SIRPB2: variants seen among roughly 807,000 people sequenced by gnomAD.
The protein encoded by SIRPB2 is signal regulatory protein beta 2, also known as signal-regulatory protein beta-2.
In SIRPB2, 18 loss-of-function variants were observed where a neutral mutation model predicts 27.1. The ratio of observed to expected loss-of-function variants is 0.66; its 90% confidence interval spans 0.46 to 0.98. SIRPB2 has a LOEUF of 0.98. Ranked by LOEUF, SIRPB2 falls within the 50% of genes least tolerant of loss-of-function variation. The pLI, the probability that SIRPB2 is intolerant of heterozygous loss-of-function variation, is 0.00. For synonymous variants in SIRPB2, 150 were observed against 164.6 expected (o/e 0.91, Z 0.68); for missense variants, 420 against 417.4 (o/e 1.01, Z -0.06).
At chr20:1,484,386 C>A (rs373262749) in intron 1 of SIRPB2, among the ~76,000 whole-genome samples, 13 of 152,060 alleles carry the variant, frequency 8.5e-5, no homozygotes, top group African/African-American at 3.1e-4. Flanking sequence ...ATAACAAAAG[C>A]AACTATCAAC....
At chr20:1,473,338 GCAGATACACAAACA>G (rs1447698399), downstream of SIRPB2, 1 of 152,582 alleles carries the variant, frequency 6.6e-6, no homozygotes, top group Non-Finnish European at 1.5e-5. Flanking sequence ...CATCAAGGAA[GCAGATACACAAACA>G]CACACGCACA....
chr20:1,474,821 AC>A lies in SIRPB2; in HGVS notation c.*1345del, dbSNP rs1402704096. 1 of 152,240 alleles carries A rather than the reference AC, an allele frequency of 6.6e-6. No homozygotes were observed. The highest frequency in any genetic ancestry group is 1.5e-5 in the Non-Finnish European group (1 of 68,096). The allele number at this position is 152,240 out of a possible 1,614,324, so 9.4% of individuals were successfully genotyped here. On this transcript the variant is annotated 3_prime_UTR_variant, in exon 5 of 5. Coordinates refer to ENST00000359801, the MANE Select transcript of SIRPB2 (RefSeq NM_001122962.2). ...ACTCCTGAACTCAGGTGATCCACCC[AC>A]CTCGGCCTCCCAAAGTGCTGGGATT...
chr20:1,474,489 A>T (rs1167347481), downstream of SIRPB2: 4 of 152,384 alleles, frequency 2.6e-5, no homozygotes, highest in Admixed American at 6.5e-5. Flanking sequence ...GTTTGCCTGG[A>T]AAGAGAACAG....
At chr20:1,489,739 C>T (rs139072808) in intron 1 of SIRPB2, among the ~76,000 whole-genome samples, 5 of 152,216 alleles carry the variant, frequency 3.3e-5, no homozygotes, top group Middle Eastern at 3.4e-3. Flanking sequence ...GTGTTAGCCC[C>T]AGTCTCCTCT....
At chr20:1,477,076 C>G in intron 4 of SIRPB2, 2 of 1,439,022 alleles carry the variant, frequency 1.4e-6, no homozygotes, top group Non-Finnish European at 1.8e-6. Flanking sequence ...CACTCAGAAT[C>G]ACAGGGAGCT....
chr20:1,481,890 C>T (rs947977871), intron 1 of SIRPB2, among the ~76,000 whole-genome samples: 14 of 152,178 alleles, frequency 9.2e-5, no homozygotes, highest in African/African-American at 2.2e-4. Context: ...CTCACACACA[C>T]GTACAGGACT....
At chr20:1,486,056 TTTTTC>T (rs201361624) in intron 1 of SIRPB2, among the ~76,000 whole-genome samples, 33 of 145,000 alleles carry the variant, frequency 2.3e-4, no homozygotes, top group African/African-American at 7.3e-4. Flanking sequence ...TTTCCATATC[TTTTTC>T]TTTTCTTTTC....
chr20:1,482,863 G>A (rs1044899407), intron 1 of SIRPB2, among the ~76,000 whole-genome samples: 3 of 151,890 alleles, frequency 2.0e-5, no homozygotes, highest in South Asian at 2.1e-4. Flanking sequence ...ATTGATTGAC[G>A]CTTAGATTGA....
In SIRPB2 at chr20:1,479,780, G is replaced by A; in HGVS notation, c.371C>T (p.Thr124Ile). ...ACCATCAAACCTCACACAGTGGTAG[G>A]TTCCAGTGTGCTCCCTGGTGACATT... is the stretch of plus-strand genomic sequence containing the variant. ...IHNVTREHTG[T>I]YHCVRFDGLS... Residue 124 changes from threonine (T) to isoleucine (I), a missense_variant, in exon 2 of 5, where the codon ACC becomes ATC. Transcript: ENST00000359801. 6.2e-7 allele frequency: 1 copy of A among 1,614,176 alleles called. No individual in the cohort carries two copies. Among genetic ancestry groups the A allele is most frequent in the Non-Finnish European group, 8.5e-7 (1 of 1,180,022 alleles).
chr20:1,485,112 G>A (rs190138676), intron 1 of SIRPB2, among the ~76,000 whole-genome samples: 1 of 152,204 alleles, frequency 6.6e-6, no homozygotes, highest in African/African-American at 2.4e-5. Context: ...GGGCATGAGA[G>A]AGATTTGTTA....
chr20:1,475,935 AC>A lies in SIRPB2; in HGVS notation c.*231del. 2 of 484,424 alleles carry A rather than the reference AC, an allele frequency of 4.1e-6. No homozygotes were observed. Among genetic ancestry groups the A allele is most frequent in the East Asian group, 7.9e-5 (2 of 25,256 alleles). The allele number at this position is 484,424 out of a possible 1,614,324, so 30.0% of individuals were successfully genotyped here. A position where few individuals can be genotyped will look rare whatever the true frequency, so the allele number is the denominator to read the frequency against. Reference sequence around the variant, plus strand: ...GTGTTGAGGAGAGACTGAGCCAGGGACTGAAAAGCAAGGAGGTCTTGAACAG... The same window carrying A: ...GTGTTGAGGAGAGACTGAGCCAGGGATGAAAAGCAAGGAGGTCTTGAACAG... On this transcript the variant is annotated 3_prime_UTR_variant, in exon 5 of 5. Coordinates refer to ENST00000359801, the MANE Select transcript of SIRPB2 (RefSeq NM_001122962.2).
In SIRPB2 at chr20:1,476,175, G is replaced by T; in HGVS notation, c.1021C>A (p.Gln341Lys). ...AMNTLAWSKG[Q>K]E ...ACTCTGGGGCTGACCCCTCACTCTTGACCCTTGCTCCATGCTAAGGTGTTC... is the reference window on the plus strand; with the variant it reads ...ACTCTGGGGCTGACCCCTCACTCTTTACCCTTGCTCCATGCTAAGGTGTTC... Residue 341 changes from glutamine to lysine, a missense_variant, in exon 5 of 5, where the codon CAA (glutamine) becomes AAA (lysine). By Grantham distance (53) the Gln-to-Lys change is moderately conservative. Coordinates refer to ENST00000359801, the MANE Select transcript of SIRPB2 (RefSeq NM_001122962.2). 3 of 1,613,688 alleles carry T rather than the reference G, an allele frequency of 1.9e-6. No homozygotes were observed. Among genetic ancestry groups the T allele is most frequent in the Non-Finnish European group, 2.5e-6 (3 of 1,179,880 alleles).
intron 2 of SIRPB2, among the ~76,000 whole-genome samples, chr20:1,478,845 T>G (rs557790217): frequency 6.6e-6 from 1 of 152,368 alleles, no homozygotes; most frequent in Admixed American, 6.5e-5. Flanking sequence ...TGCCCGGCCC[T>G]GAAGCCATTC....
rs765637642 is a variant in SIRPB2, at chr20:1,479,976, T to C, written c.175A>G (p.Arg59Gly). 6.2e-7 allele frequency: 1 copy of C among 1,614,160 alleles called. No homozygotes were observed. The highest frequency in any genetic ancestry group is 2.2e-5 in the East Asian group (1 of 44,886). Reference protein sequence around the residue: ...LVAEGETLLLRCMVVGSCTDG... With the variant: ...LVAEGETLLLGCMVVGSCTDG... The stretch of plus-strand genomic sequence containing the variant: ...GTGCAGGAGCCGACCACCATACACC[T>C]CAGTAGAAGTGTCTCACCTTCTGCC... The change falls in exon 2 of 5, where the codon AGG becomes GGG. Residue 59 changes from arginine (R) to glycine (G), a missense_variant. By Grantham distance (125) the Arg-to-Gly change is moderately radical. Coordinates refer to ENST00000359801, the MANE Select transcript of SIRPB2 (RefSeq NM_001122962.2).
intron 1 of SIRPB2, among the ~76,000 whole-genome samples, chr20:1,486,767 T>C (rs1230664298): frequency 1.3e-5 from 2 of 152,174 alleles, no homozygotes; most frequent in African/African-American, 4.8e-5. Context: ...AAAGCAGTTT[T>C]CAAACTTGAA....
chr20:1,488,156 T>C (rs935052987), intron 1 of SIRPB2, among the ~76,000 whole-genome samples: 27 of 152,058 alleles, frequency 1.8e-4, no homozygotes, highest in African/African-American at 5.6e-4. Flanking sequence ...AAAAGACAAG[T>C]CACAGAGTAG....
At chr20:1,481,293 G>A (rs2090668485) in intron 1 of SIRPB2, among the ~76,000 whole-genome samples, 1 of 152,070 alleles carries the variant, frequency 6.6e-6, no homozygotes, top group South Asian at 2.1e-4. Context: ...TGGGATTACA[G>A]GTGTGAGCCA....
Position 1,476,239 on chromosome 20 carries a change from C to A in SIRPB2, c.957G>T (p.Gly319=). 2 of 1,613,978 alleles carry A rather than the reference C, an allele frequency of 1.2e-6. No homozygotes were observed. The highest frequency in any genetic ancestry group is 1.6e-4 in the Middle Eastern group (1 of 6,062). Residue 319 remains glycine, a synonymous_variant, in exon 5 of 5, where the codon GGG becomes GGT. Transcript: ENST00000359801. ...GGCCTGTGGTCTTGACATCTTCTTGCCCAGGGCTCCTCCGAGAGGTAGCCA... is the reference window on the plus strand; with the variant it reads ...GGCCTGTGGTCTTGACATCTTCTTGACCAGGGCTCCTCCGAGAGGTAGCCA... The part of the protein sequence containing the change: ...LALATSRRSP[G]QEDVKTTGPA...
At chr20:1,480,867 C>A (rs1183224017) in intron 1 of SIRPB2, among the ~76,000 whole-genome samples, 1 of 152,236 alleles carries the variant, frequency 6.6e-6, no homozygotes, top group African/African-American at 2.4e-5. Flanking sequence ...GGAGCTCTGG[C>A]TATTAATCTT....
Sources: gnomAD v4.1 joint callset for allele counts (sites outside exome capture counted in the v4.1 genomes callset) on GRCh38, gnomAD v4.1.1 for gene constraint, MANE v1.5 for transcripts, NCBI Gene and HGNC (gene_info 2026-07-23, HGNC 2026-07-21) for gene names.